The following DAPK2 variants were observed in gnomAD, a reference collection of about 807,000 sequenced individuals.
DAPK2 encodes the protein death-associated protein kinase 2.
In DAPK2, 35 loss-of-function variants were observed where a neutral mutation model predicts 44.1. That is an observed-to-expected ratio of 0.79 (90% CI 0.61 to 1.05). DAPK2 has a LOEUF of 1.05. DAPK2 is among the 50% of genes least tolerant of loss of function. The probability of loss-of-function intolerance (pLI) is 0.00; values close to 1 mark genes in which losing one functional copy is unlikely to be tolerated. For synonymous variants in DAPK2, 174 were observed against 182.6 expected (o/e 0.95, Z 0.38); for missense variants, 453 against 483.2 (o/e 0.94, Z 0.59).
At chr15:64,040,144 C>A in intron 1 of DAPK2, 26 bp downstream of exon 2, 2 of 1,587,452 alleles carry the variant, frequency 1.3e-6, no homozygotes, top group Non-Finnish European at 1.7e-6. Context: ...CCTCGGCATC[C>A]CCCCACCTCT....
At chr15:63,967,383 T>C (rs2078084238) in intron 3 of DAPK2, among the ~76,000 whole-genome samples, 1 of 152,020 alleles carries the variant, frequency 6.6e-6, no homozygotes, top group Admixed American at 6.6e-5. Flanking sequence ...ACTGCTTATC[T>C]CATATTAATT....
At chr15:64,036,678 T>C (rs1018180397) in intron 1 of DAPK2, among the ~76,000 whole-genome samples, 3 of 152,100 alleles carry the variant, frequency 2.0e-5, no homozygotes, top group African/African-American at 7.2e-5. Context: ...AAACTGTTGT[T>C]CATTTTCATT....
intron 3 of DAPK2, among the ~76,000 whole-genome samples, chr15:63,958,494 A>G (rs528922159): frequency 4.1e-4 from 63 of 152,318 alleles, no homozygotes; most frequent in Non-Finnish European, 8.2e-4. Flanking sequence ...TAGGTCTAAC[A>G]TTTAAGTCTT....
chr15:64,033,197 C>T (rs774825324), intron 1 of DAPK2, among the ~76,000 whole-genome samples: 2 of 148,182 alleles, frequency 1.3e-5, no homozygotes, highest in Non-Finnish European at 3.0e-5. Flanking sequence ...GAGGTCGAGG[C>T]TGCAATGAGC....
chr15:63,924,732 G>C (rs2079188801), intron 8 of DAPK2, 84 bp downstream of exon 9: 5 of 1,471,664 alleles, frequency 3.4e-6, no homozygotes, highest in Non-Finnish European at 4.7e-6. Context: ...CTCTCCATGG[G>C]CCCTCTGCAT....
intron 1 of DAPK2, among the ~76,000 whole-genome samples, chr15:63,999,347 A>G (rs532174047): frequency 3.3e-5 from 5 of 152,092 alleles, no homozygotes; most frequent in African/African-American, 1.2e-4. Context: ...TTCTGCCCCC[A>G]CAGCTGCCAA....
intron 1 of DAPK2, among the ~76,000 whole-genome samples, chr15:64,007,335 C>T (rs2079260839): frequency 6.6e-6 from 1 of 152,110 alleles, no homozygotes; most frequent in Admixed American, 6.5e-5. Context: ...ACAGGGTCCC[C>T]TCAGCCTGTT....
At chr15:64,043,989 G>T (rs1314357140), upstream of DAPK2, among the ~76,000 whole-genome samples, 2 of 152,186 alleles carry the variant, frequency 1.3e-5, no homozygotes, top group Non-Finnish European at 2.9e-5. Context: ...GCCACTTCAA[G>T]CACTTTCCTA....
intron 3 of DAPK2, among the ~76,000 whole-genome samples, chr15:63,950,602 T>C (rs1383304513): frequency 6.6e-6 from 1 of 152,210 alleles, no homozygotes; most frequent in African/African-American, 2.4e-5. Context: ...TTTTTATTTT[T>C]TTGGATTAAC....
intron 8 of DAPK2, 86 bp downstream of exon 9, chr15:63,924,730 G>T: frequency 6.8e-7 from 1 of 1,461,392 alleles, no homozygotes; most frequent in Non-Finnish European, 9.5e-7. Context: ...GCCTCTCCAT[G>T]GGCCCTCTGC....
At chr15:63,931,114 C>T (rs988903047) in intron 4 of DAPK2, among the ~76,000 whole-genome samples, 2 of 151,988 alleles carry the variant, frequency 1.3e-5, no homozygotes, top group Non-Finnish European at 2.9e-5. Context: ...CTTGTTTGCC[C>T]CTTTGGTCAT....
intron 1 of DAPK2, among the ~76,000 whole-genome samples, chr15:64,016,902 C>A (rs559410484): frequency 7.5e-5 from 11 of 146,174 alleles, no homozygotes; most frequent in African/African-American, 2.1e-4. Context: ...GAAGGAAGGA[C>A]GGACATGTAA....
chr15:63,932,325 C>T (rs1049683745), intron 4 of DAPK2, among the ~76,000 whole-genome samples: 4 of 150,716 alleles, frequency 2.7e-5, no homozygotes, highest in East Asian at 2.0e-4. Context: ...ATTAGCCGGG[C>T]GTGGTAGCAC....
At chr15:63,911,951 C>T (rs200630392) in exon 10 of DAPK2, 43 of 1,613,934 alleles carry the variant, frequency 2.7e-5, no homozygotes, top group Middle Eastern at 3.3e-4. Context: ...CATCAGCGAG[C>T]GGGTGAGGTG....
chr15:64,040,897 G>GAAAAA (rs3056980), upstream of DAPK2, among the ~76,000 whole-genome samples: 78 of 83,420 alleles, frequency 9.4e-4, no homozygotes, highest in Middle Eastern at 6.5e-3. Flanking sequence ...CTGGGCAACA[G>GAAAAA]AAAAAAAAAA....
At chr15:63,932,846 T>C (rs2077012015) in intron 4 of DAPK2, among the ~76,000 whole-genome samples, 1 of 152,234 alleles carries the variant, frequency 6.6e-6, no homozygotes, top group Non-Finnish European at 1.5e-5. Context: ...ATAGTCACTT[T>C]ATTTTTTCAC....
At chr15:63,934,251 T>G (rs911060119) in intron 4 of DAPK2, among the ~76,000 whole-genome samples, 1 of 112,242 alleles carries the variant, frequency 8.9e-6, no homozygotes, top group African/African-American at 4.6e-5. Context: ...TTATCCTAGT[T>G]TTTTTTTTTT....
chr15:63,939,244 GC>G lies in DAPK2; in HGVS notation c.570del (p.Pro191ArgfsTer9), dbSNP rs1268101015. ...GCCTACAACTCACCAACAAATTCCG[GC>G]GTCCCAAAAATATTCTTAAATTCAA... On this transcript the variant is annotated frameshift_variant, in exon 4 of 11. Coordinates refer to ENST00000261891, the Ensembl canonical transcript of DAPK2. LOFTEE classifies it high-confidence loss of function. This position sits in a 1 kb window ranked among gnomAD's most constrained non-coding sequence, Gnocchi z 4.3. 1.2e-6 allele frequency: 2 copies of G among 1,613,640 alleles called. No individual in the cohort carries two copies. Among genetic ancestry groups the G allele is most frequent in the Admixed American group, 1.7e-5 (1 of 59,910 alleles).
At chr15:63,948,078 G>A (rs2077494416) in intron 3 of DAPK2, among the ~76,000 whole-genome samples, 1 of 151,906 alleles carries the variant, frequency 6.6e-6, no homozygotes, top group Admixed American at 6.6e-5. Context: ...GACCAGCCTG[G>A]CCAACATAGC....
Sources: gnomAD v4.1 joint callset for allele counts (sites outside exome capture counted in the v4.1 genomes callset) on GRCh38, gnomAD v4.1.1 for gene constraint, Gnocchi (gnomAD v3.1) non-coding constraint, MANE v1.5 for transcripts, NCBI Gene and HGNC (gene_info 2026-07-23, HGNC 2026-07-21) for gene names.